Variants in TAOK3 observed in about 807,000 individuals in gnomAD.
The protein encoded by TAOK3 is serine/threonine-protein kinase TAO3.
TAOK3 carries 40 observed loss-of-function variants against 120.4 expected under a neutral mutation model. The ratio of observed to expected loss-of-function variants is 0.33; its 90% CI spans 0.26 to 0.43. The LOEUF is 0.43. TAOK3 is among the 20% of genes least tolerant of loss of function. The probability of loss-of-function intolerance (pLI) is 1.00; values close to 1 mark genes in which losing one functional copy is unlikely to be tolerated. For synonymous variants in TAOK3, 355 were observed against 387.5 expected, an observed-to-expected ratio of 0.92 and a Z score of 0.99; for missense variants, 821 against 1,112.1, an observed-to-expected ratio of 0.74 and a Z score of 3.72.
rs200496340 is a variant in TAOK3, at chr12:118,172,652, A to G, written c.1704T>C (p.Asn568=). 6.2e-7 allele frequency: 1 copy of G among 1,614,078 alleles called. No individual in the cohort carries two copies. Among genetic ancestry groups the G allele is most frequent in the East Asian group, 2.2e-5 (1 of 44,880 alleles). ...ICKEKIKEEM[N]EDHSTPKKEK... ...CTTTCTTGGGTGTGCTATGGTCCTC[A>G]TTCATTTCCTAAAAAGAACAGACAA... The change falls in exon 17 of 21, where the codon AAT becomes AAC. Residue 568 remains asparagine (N), a synonymous_variant. Coordinates refer to ENST00000392533, the MANE Select transcript of TAOK3 (RefSeq NM_016281.4).
intron 3 of TAOK3, among the ~76,000 whole-genome samples, chr12:118,248,508 C>A (rs2040614412): frequency 6.6e-6 from 1 of 151,948 alleles, no homozygotes; most frequent in African/African-American, 2.4e-5. Flanking sequence ...GGGACTATAT[C>A]TGAAAAGTAG....
chr12:118,287,738 T>A (rs1425376075), intron 1 of TAOK3, among the ~76,000 whole-genome samples: 1 of 152,108 alleles, frequency 6.6e-6, no homozygotes, highest in Non-Finnish European at 1.5e-5. Context: ...TTTATTCAGA[T>A]ACACACATAC....
chr12:118,163,507 C>G (rs2035363788), intron 17 of TAOK3, among the ~76,000 whole-genome samples: 1 of 150,436 alleles, frequency 6.6e-6, no homozygotes, highest in Admixed American at 6.6e-5. Context: ...TCTCGGACTC[C>G]TGGACTCAAG....
At chr12:118,199,458 G>A (rs2037914412) in intron 12 of TAOK3, 2 of 593,494 alleles carry the variant, frequency 3.4e-6, no homozygotes, top group East Asian at 5.7e-5. Flanking sequence ...GCCTTCCCCA[G>A]GGGCCATTCT....
intron 1 of TAOK3, among the ~76,000 whole-genome samples, chr12:118,308,966 A>C (rs1212332722): frequency 2.2e-5 from 3 of 134,860 alleles, no homozygotes; most frequent in South Asian, 5.1e-4. Context: ...AAAAGCCTGT[A>C]TGGTTGTAAT....
intron 1 of TAOK3, among the ~76,000 whole-genome samples, chr12:118,270,195 C>T (rs1193628011): frequency 6.6e-6 from 1 of 151,958 alleles, no homozygotes; most frequent in African/African-American, 2.4e-5. Context: ...TCACATACAC[C>T]TCCCATTAAC....
intron 9 of TAOK3, among the ~76,000 whole-genome samples, chr12:118,218,605 T>C (rs1412367779): frequency 2.6e-5 from 4 of 152,216 alleles, no homozygotes; most frequent in Non-Finnish European, 5.9e-5. Context: ...CAGACTTGTA[T>C]AGACATTTTC....
At chr12:118,330,457 C>G (rs1055962757) in intron 1 of TAOK3, among the ~76,000 whole-genome samples, 10 of 152,144 alleles carry the variant, frequency 6.6e-5, no homozygotes, top group Middle Eastern at 6.8e-3. Flanking sequence ...GTTCAGATTC[C>G]TGACCCAAAC....
intron 3 of TAOK3, among the ~76,000 whole-genome samples, chr12:118,253,567 A>T (rs1440087841): frequency 6.6e-6 from 1 of 150,998 alleles, no homozygotes; most frequent in Non-Finnish European, 1.5e-5. Context: ...GTAAAACCCC[A>T]TCTCTACAAA....
chr12:118,159,337 G>A (rs1052801307), intron 19 of TAOK3, among the ~76,000 whole-genome samples: 5 of 146,924 alleles, frequency 3.4e-5, no homozygotes, highest in Non-Finnish European at 7.4e-5. Flanking sequence ...TTGAGACAGA[G>A]TCTTGCTCTG....
chr12:118,207,724 G>A (rs1239445620), intron 11 of TAOK3, among the ~76,000 whole-genome samples: 3 of 151,932 alleles, frequency 2.0e-5, no homozygotes, highest in Non-Finnish European at 2.9e-5. Flanking sequence ...ACATGGTGGC[G>A]TGTGCCTGTA....
At chr12:118,250,094 T>C (rs747424115) in intron 3 of TAOK3, among the ~76,000 whole-genome samples, 8 of 152,092 alleles carry the variant, frequency 5.3e-5, no homozygotes, top group Non-Finnish European at 7.4e-5. Context: ...TCTTACTACC[T>C]CATTTGTTAA....
At chr12:118,265,711 C>T (rs886500667) in intron 2 of TAOK3, among the ~76,000 whole-genome samples, 1 of 152,078 alleles carries the variant, frequency 6.6e-6, no homozygotes, top group Non-Finnish European at 1.5e-5. Flanking sequence ...TAGTAATACA[C>T]TTTTGGGAAT....
chr12:118,194,151 C>T (rs1016139104), intron 13 of TAOK3, among the ~76,000 whole-genome samples: 11 of 152,072 alleles, frequency 7.2e-5, no homozygotes, highest in African/African-American at 1.9e-4. Flanking sequence ...CAGCGGGGTG[C>T]GGGGGGATGT....
chr12:118,348,850 T>C (rs1033634915), intron 1 of TAOK3, among the ~76,000 whole-genome samples: 17 of 150,348 alleles, frequency 1.1e-4, no homozygotes, highest in East Asian at 3.9e-4. Context: ...AATTTCTTTT[T>C]TTTTTTTTTT....
intron 1 of TAOK3, among the ~76,000 whole-genome samples, chr12:118,350,065 A>C (rs1412526575): frequency 6.6e-6 from 1 of 152,242 alleles, no homozygotes; most frequent in Non-Finnish European, 1.5e-5. Flanking sequence ...TTGCATGCCT[A>C]AAATGATTTT....
At chr12:118,308,929 TC>T (rs745980555) in intron 1 of TAOK3, among the ~76,000 whole-genome samples, 5 of 45,708 alleles carry the variant, frequency 1.1e-4, no homozygotes, top group Non-Finnish European at 1.9e-4. Context: ...AAACTCTGTC[TC>T]CAAAAAAAAA....
chr12:118,177,451 T>A, intron 15 of TAOK3, 122 bp from the exon 16 acceptor site: 1 of 610,388 alleles, frequency 1.6e-6, no homozygotes, highest in Non-Finnish European at 2.6e-6. Context: ...TTTGAACAAA[T>A]ATTAAAAAAT....
chr12:118,182,672 A>G (rs1170411556), intron 14 of TAOK3, among the ~76,000 whole-genome samples: 1 of 139,318 alleles, frequency 7.2e-6, no homozygotes, highest in African/African-American at 2.7e-5. Flanking sequence ...TAGACCTTTT[A>G]AATTAGTCTG....
Sources: gnomAD v4.1 joint callset for allele counts (sites outside exome capture counted in the v4.1 genomes callset) on GRCh38, gnomAD v4.1.1 for gene constraint, MANE v1.5 for transcripts, NCBI Gene and HGNC (gene_info 2026-07-23, HGNC 2026-07-21) for gene names.